LARGE1: variants seen among roughly 807,000 people sequenced by gnomAD.
LARGE1 encodes LARGE xylosyl- and glucuronyltransferase 1.
Under a neutral mutation model 87.6 loss-of-function variants are expected in LARGE1, and 43 were observed. That is an observed-to-expected ratio of 0.49 (90% CI 0.38 to 0.63). The LOEUF is 0.63. LARGE1 is among the 30% of genes least tolerant of loss of function. The probability of loss-of-function intolerance (pLI) is 0.00; values close to 1 mark genes in which losing one functional copy is unlikely to be tolerated. For missense variants in LARGE1, 802 were observed against 1,000.2 expected, an observed-to-expected ratio of 0.80 and a Z score of 2.67; for synonymous variants, 434 against 394.6, an observed-to-expected ratio of 1.10 and a Z score of -1.18.
At chr22:33,899,309 C>A (rs1031677317) in intron 1 of LARGE1, among the ~76,000 whole-genome samples, 2 of 152,180 alleles carry the variant, frequency 1.3e-5, no homozygotes, top group African/African-American at 4.8e-5. Context: ...CAGGCTCTCC[C>A]ATGTCAAAAA....
chr22:33,692,974 T>C (rs957690039), intron 2 of LARGE1, among the ~76,000 whole-genome samples: 1 of 152,082 alleles, frequency 6.6e-6, no homozygotes, highest in African/African-American at 2.4e-5. Flanking sequence ...CTATTCACAA[T>C]AGCAAAGACA....
intron 1 of LARGE1, among the ~76,000 whole-genome samples, chr22:33,761,851 A>G (rs2084744151): frequency 6.6e-6 from 1 of 152,162 alleles, no homozygotes; most frequent in African/African-American, 2.4e-5. Context: ...GACCTGAACT[A>G]ACATACTTAA....
intron 10 of LARGE1, among the ~76,000 whole-genome samples, chr22:33,332,250 G>T (rs922509049): frequency 6.6e-6 from 1 of 152,072 alleles, no homozygotes; most frequent in African/African-American, 2.4e-5. Flanking sequence ...CCCTATACTG[G>T]TCTCATGATA....
intron 11 of LARGE1, chr22:33,305,551 C>G (rs2146181996): frequency 1.0e-6 from 1 of 982,334 alleles, no homozygotes; most frequent in East Asian, 1.1e-4. Context: ...GGTACGTAAT[C>G]AGCAGTCTCC....
intron 1 of LARGE1, among the ~76,000 whole-genome samples, chr22:33,811,376 T>C (rs1020679624): frequency 2.6e-5 from 4 of 152,200 alleles, no homozygotes; most frequent in Non-Finnish European, 5.9e-5. Context: ...TGTGGGACGC[T>C]CGTGGCTGAA....
intron 6 of LARGE1, among the ~76,000 whole-genome samples, chr22:33,549,503 T>C (rs2077461070): frequency 6.6e-6 from 1 of 152,206 alleles, no homozygotes; most frequent in Non-Finnish European, 1.5e-5. Flanking sequence ...TCGATCACAC[T>C]TTCTCTTGGT....
At chr22:33,878,088 C>T (rs1436475872) in intron 1 of LARGE1, among the ~76,000 whole-genome samples, 1 of 139,070 alleles carries the variant, frequency 7.2e-6, no homozygotes, top group Non-Finnish European at 1.6e-5. Flanking sequence ...AATATGACCA[C>T]TAAAATATTT....
chr22:33,072,293 G>A, the LARGE1 span, among the ~76,000 whole-genome samples: 1 of 152,198 alleles, frequency 6.6e-6, no homozygotes, highest in Non-Finnish European at 1.5e-5. Context: ...AGGAGAAGGA[G>A]GAGGAGGTGG....
chr22:33,762,014 G>GA (rs2084749757), intron 1 of LARGE1, among the ~76,000 whole-genome samples: 2 of 151,912 alleles, frequency 1.3e-5, no homozygotes, highest in African/African-American at 4.8e-5. Flanking sequence ...ATCAGGAGTT[G>GA]AAGACCAGCT....
intron 11 of LARGE1, among the ~76,000 whole-genome samples, chr22:33,232,265 T>C (rs1159791909): frequency 2.0e-5 from 3 of 152,332 alleles, no homozygotes; most frequent in South Asian, 2.1e-4. Flanking sequence ...AAAACGCCCA[T>C]GGCGTTTTAA....
At chr22:33,845,747 AG>A (rs1297404837) in intron 1 of LARGE1, among the ~76,000 whole-genome samples, 1 of 152,190 alleles carries the variant, frequency 6.6e-6, no homozygotes, top group Non-Finnish European at 1.5e-5. Context: ...ACCCAATATC[AG>A]TAATTATCAA....
chr22:33,157,081 A>G, the LARGE1 span, among the ~76,000 whole-genome samples: 7 of 152,220 alleles, frequency 4.6e-5, no homozygotes, highest in Admixed American at 2.6e-4. Context: ...CAAATTGCCC[A>G]GTCTCAAGTA....
intron 1 of LARGE1, among the ~76,000 whole-genome samples, chr22:33,772,122 G>A (rs767458940): frequency 3.9e-5 from 6 of 152,074 alleles, no homozygotes; most frequent in Non-Finnish European, 8.8e-5. Context: ...TCACGAGGTC[G>A]GGAGACCGAT....
At chr22:33,426,769 C>T (rs890510776) in intron 7 of LARGE1, among the ~76,000 whole-genome samples, 1 of 152,162 alleles carries the variant, frequency 6.6e-6, no homozygotes, top group Non-Finnish European at 1.5e-5. Flanking sequence ...CCTAAACAGC[C>T]AGGTCTCCAT....
chr22:33,775,091 C>T (rs2085191918), intron 1 of LARGE1, among the ~76,000 whole-genome samples: 1 of 152,206 alleles, frequency 6.6e-6, no homozygotes, highest in African/African-American at 2.4e-5. Flanking sequence ...AGGTACCATA[C>T]TGACACTTTC....
intron 6 of LARGE1, among the ~76,000 whole-genome samples, chr22:33,437,337 G>C (rs2067306458): frequency 6.6e-6 from 1 of 152,168 alleles, no homozygotes; most frequent in Non-Finnish European, 1.5e-5. Flanking sequence ...ATGAACACCA[G>C]AGCCAGACGC....
chr22:33,827,214 A>G lies in LARGE1; in HGVS notation c.-82-65656T>C, dbSNP rs2062822268. 2.6e-5 allele frequency among the ~76,000 whole-genome samples: 4 copies of G among 151,842 alleles called. No individual in the cohort carries two copies. The South Asian group carries it at 6.3e-4, about 24-fold the overall frequency. On this transcript the variant is annotated intron_variant, in intron 1 of 14. Transcript: ENST00000397394. Reference sequence around the variant, plus strand: ...CGTCTCTATTAAAAATACAAAAAAAAAAAAAATTAGCTGGGCATGATGGCA... The same window carrying G: ...CGTCTCTATTAAAAATACAAAAAAAGAAAAAATTAGCTGGGCATGATGGCA...
At chr22:33,805,895 C>T (rs2086293576) in intron 1 of LARGE1, among the ~76,000 whole-genome samples, 1 of 152,128 alleles carries the variant, frequency 6.6e-6, no homozygotes, top group Admixed American at 6.6e-5. Flanking sequence ...ATGCCTCTCC[C>T]CTTGCTACAT....
the LARGE1 span, among the ~76,000 whole-genome samples, chr22:33,110,201 A>G: frequency 3.1e-3 from 466 of 152,280 alleles, 5 homozygotes; most frequent in African/African-American, 0.011. Context: ...TGCTATTGAC[A>G]TTGCAATGTC....
Sources: gnomAD v4.1 joint callset for allele counts (sites outside exome capture counted in the v4.1 genomes callset) on GRCh38, gnomAD v4.1.1 for gene constraint, MANE v1.5 for transcripts, NCBI Gene and HGNC (gene_info 2026-07-23, HGNC 2026-07-21) for gene names.